CDK1: variants seen among roughly 807,000 people sequenced by gnomAD.
CDK1 encodes the protein cyclin-dependent kinase 1.
A neutral mutation model predicts 34.6 loss-of-function variants in CDK1; 5 were observed. The ratio of observed to expected loss-of-function variants is 0.14; its 90% CI spans 0.08 to 0.30. The LOEUF (loss-of-function observed/expected upper bound fraction) is 0.30, where lower values mean the gene tolerates loss of function less well. Ranked by LOEUF, CDK1 falls within the 10% of genes least tolerant of loss-of-function variation. The pLI is 1.00. For missense variants in CDK1, 157 were observed against 345.7 expected (o/e 0.45, Z 4.33); for synonymous variants, 108 against 114.7 (o/e 0.94, Z 0.37).
intron 3 of CDK1, among the ~76,000 whole-genome samples, chr10:60,785,189 T>C (rs1564668096): frequency 1.3e-5 from 2 of 152,162 alleles, no homozygotes; most frequent in East Asian, 1.9e-4. Flanking sequence ...ACCCTTTAGT[T>C]AGAGTCTTAA....
intron 5 of CDK1, among the ~76,000 whole-genome samples, chr10:60,789,138 A>G (rs772233536): frequency 1.2e-4 from 19 of 152,112 alleles, no homozygotes; most frequent in Non-Finnish European, 2.4e-4. Flanking sequence ...ATACATATTT[A>G]TGGGGTACAG....
intron 4 of CDK1, chr10:60,786,969 G>T: frequency 1.0e-6 from 1 of 983,306 alleles, no homozygotes; most frequent in Middle Eastern, 5.2e-4. Context: ...GGTAGTTTTA[G>T]TAAGTCCTGT....
chr10:60,786,316 TTGTA>T (rs1433725607), intron 4 of CDK1: 2 of 964,016 alleles, frequency 2.1e-6, no homozygotes, highest in Non-Finnish European at 2.5e-6. Flanking sequence ...TATGTTCACT[TTGTA>T]TGTATATAAA....
In CDK1 at chr10:60,788,110, A is replaced by G; in HGVS notation, c.369A>G (p.Arg123=). The change falls in exon 5 of 8, where the codon AGA becomes AGG. Residue 123 remains arginine (R), a synonymous_variant. Transcript: ENST00000395284. Reference sequence around the variant, plus strand: ...GGATTGTGTTTTGTCACTCTAGAAGAGTTCTTCACAGAGACTTAAAACCTC... The same window carrying G: ...GGATTGTGTTTTGTCACTCTAGAAGGGTTCTTCACAGAGACTTAAAACCTC... ...LQGIVFCHSR[R]VLHRDLKPQN... is the part of the protein sequence containing the mutation. 3 of 1,603,228 alleles carry G rather than the reference A, an allele frequency of 1.9e-6. No individual in the cohort carries two copies. The South Asian group carries it at 3.3e-5, about 18-fold the overall frequency.
At chr10:60,783,624 A>G (rs2080290725) in intron 2 of CDK1, 1 of 151,932 alleles carries the variant, frequency 6.6e-6, no homozygotes, top group South Asian at 2.1e-4. Flanking sequence ...GGGGTTCAGG[A>G]CCTCCCTAAA....
intron 2 of CDK1, chr10:60,783,474 T>A (rs1473063068): frequency 2.6e-5 from 4 of 152,298 alleles, no homozygotes; most frequent in Admixed American, 6.5e-5. Flanking sequence ...TAGCCTTTTT[T>A]AAAATATTGC....
At chr10:60,786,910 C>T in intron 4 of CDK1, 1 of 982,908 alleles carries the variant, frequency 1.0e-6, no homozygotes, top group Non-Finnish European at 1.2e-6. Flanking sequence ...TTAAGTCTTC[C>T]TCACTCAAAG....
chr10:60,785,169 G>A (rs1589111559), intron 3 of CDK1, among the ~76,000 whole-genome samples: 3 of 152,260 alleles, frequency 2.0e-5, no homozygotes, highest in Middle Eastern at 6.8e-3. Context: ...GGGAGCTCTA[G>A]TTCCTGAAGA....
rs749375137 is a variant in CDK1 at position 60,792,288 on chromosome 10, C to T, written c.794C>T (p.Ser265Leu). The change falls in exon 7 of 8, where the codon TCG becomes TTG. Residue 265 changes from serine to leucine, a missense_variant and splice_region_variant. Transcript: ENST00000395284. Reference sequence around the variant, plus strand: ...GATGAAAATGGCTTGGATTTGCTCTCGGTAAGGAGTGCCCTTGATACTGAC... The same window carrying T: ...GATGAAAATGGCTTGGATTTGCTCTTGGTAAGGAGTGCCCTTGATACTGAC... Reference protein sequence around the residue: ...NLDENGLDLLSKMLIYDPAKR... With the variant: ...NLDENGLDLLLKMLIYDPAKR... The T allele has an allele frequency of 1.6e-5, 26 of 1,601,662 alleles. No individual in the cohort carries two copies. The highest frequency in any genetic ancestry group is 3.5e-5 in the Admixed American group (2 of 56,754).
In CDK1 at chr10:60,792,139, G is replaced by C; in HGVS notation, c.654-9G>C. 1.2e-6 allele frequency: 2 copies of C among 1,601,630 alleles called. No homozygotes were observed. Among genetic ancestry groups the C allele is most frequent in the Non-Finnish European group, 1.7e-6 (2 of 1,175,706 alleles). ...TGCTTTAAGAAATTTTTAATTTCCT[G>C]TTTTTTAGAGCTTTGGGCACTCCCA... is the stretch of plus-strand genomic sequence containing the variant. On this transcript the variant is annotated splice_polypyrimidine_tract_variant and intron_variant, in intron 6 of 7. Transcript: ENST00000395284.
At chr10:60,784,586 A>T (rs1589111195) in intron 2 of CDK1, 119 bp from the exon 3 acceptor site, 4 of 757,108 alleles carry the variant, frequency 5.3e-6, no homozygotes, top group Non-Finnish European at 8.5e-6. Context: ...GCCTTGATTG[A>T]CCCACTGCAC....
At chr10:60,785,227 A>AT (rs1291335702) in intron 3 of CDK1, among the ~76,000 whole-genome samples, 2 of 151,946 alleles carry the variant, frequency 1.3e-5, no homozygotes, top group East Asian at 3.9e-4. Flanking sequence ...AATGAAAAAG[A>AT]TTTTTTTTCC....
chr10:60,791,025 C>T (rs1437449093), intron 5 of CDK1, among the ~76,000 whole-genome samples: 1 of 152,018 alleles, frequency 6.6e-6, no homozygotes, highest in African/African-American at 2.4e-5. Flanking sequence ...TTTTTTGGTT[C>T]TATATGAATT....
At chr10:60,784,604 T>C in intron 2 of CDK1, 101 bp from the exon 3 acceptor site, 2 of 1,002,484 alleles carry the variant, frequency 2.0e-6, no homozygotes, top group Non-Finnish European at 2.9e-6. Flanking sequence ...CACTCCAACC[T>C]GGACAAGAAA....
intron 2 of CDK1, chr10:60,783,609 C>T (rs1904416): frequency 0.74 from 112,348 of 151,998 alleles, 41,756 homozygotes; most frequent in East Asian, 0.84. Flanking sequence ...TTTGTGTGTA[C>T]TTAAGGGGTT....
At chr10:60,784,115 A>T (rs990813770) in intron 2 of CDK1, among the ~76,000 whole-genome samples, 3 of 152,234 alleles carry the variant, frequency 2.0e-5, no homozygotes, top group African/African-American at 7.2e-5. Flanking sequence ...TTTAATTTGC[A>T]AATGATCTAT....
At chr10:60,785,166 C>CT (rs964544771) in intron 3 of CDK1, among the ~76,000 whole-genome samples, 4 of 152,128 alleles carry the variant, frequency 2.6e-5, no homozygotes, top group Non-Finnish European at 5.9e-5. Flanking sequence ...TTGGGGAGCT[C>CT]TAGTTCCTGA....
At chr10:60,789,342 T>G (rs2132072600) in intron 5 of CDK1, among the ~76,000 whole-genome samples, 1 of 152,296 alleles carries the variant, frequency 6.6e-6, no homozygotes, top group Middle Eastern at 3.4e-3. Context: ...AGAGCTTATT[T>G]TTCCTTTTGA....
chr10:60,785,097 A>G (rs1446983404), intron 3 of CDK1, among the ~76,000 whole-genome samples: 1 of 152,170 alleles, frequency 6.6e-6, no homozygotes, highest in Non-Finnish European at 1.5e-5. Context: ...TAGAATAGCA[A>G]GGTAAATTGG....
Sources: gnomAD v4.1 joint callset for allele counts (sites outside exome capture counted in the v4.1 genomes callset) on GRCh38, gnomAD v4.1.1 for gene constraint, MANE v1.5 for transcripts, NCBI Gene and HGNC (gene_info 2026-07-23, HGNC 2026-07-21) for gene names.